Variants in STUM observed in about 807,000 individuals in gnomAD.
The protein encoded by STUM is stum, mechanosensory transduction mediator homolog.
STUM carries 8 observed loss-of-function variants against 15.3 expected under a neutral mutation model. The ratio of observed to expected loss-of-function variants is 0.52; its 90% CI spans 0.31 to 0.94. The LOEUF is 0.94. STUM is among the 40% of genes least tolerant of loss of function. The pLI is 0.05. For missense variants in STUM, 142 were observed against 204.9 expected, an observed-to-expected ratio of 0.69 and a Z score of 1.87; for synonymous variants, 78 against 88.7, an observed-to-expected ratio of 0.88 and a Z score of 0.68.
intron 1 of STUM, among the ~76,000 whole-genome samples, chr1:226,593,906 C>T (rs1012025779): frequency 2.0e-5 from 3 of 152,100 alleles, no homozygotes; most frequent in Non-Finnish European, 4.4e-5. Context: ...GGTGGGACCC[C>T]GCATTTTTAA....
In STUM at chr1:226,548,932, ACGGCGGCGGCGGCGG is replaced by A. The variant is rs759835997; in HGVS notation, c.35_49del (p.Ala12_Ala16del). ...GGAGCCCTCGCACAAAGACGCCGAG[ACGGCGGCGGCGGCGG>A]CGGCGGTGGCGGCGGCGGACCCCCG... On this transcript the variant is annotated inframe_deletion, in exon 1 of 4. Transcript: ENST00000366788. 2.8e-6 allele frequency: 4 copies of A among 1,443,446 alleles called. No individual in the cohort carries two copies. Among genetic ancestry groups the A allele is most frequent in the Admixed American group, 3.1e-5 (1 of 32,586 alleles). 89.4% of individuals were successfully genotyped at this position (1,443,446 alleles called of 1,614,324 possible). A position where few individuals can be genotyped will look rare whatever the true frequency, so the allele number is the denominator to read the frequency against.
Position 226,598,162 on chromosome 1 carries a change from TAGGA to T in STUM, c.382+1188_382+1191del, listed in dbSNP as rs888222857. Reference sequence around the variant, plus strand: ...CTGGAGAGGTGAAGAGCATGACTGATAGGAAGGAAGTGCTGCCAGCCCTCAGGTG... The same window carrying T: ...CTGGAGAGGTGAAGAGCATGACTGATAGGAAGTGCTGCCAGCCCTCAGGTG... On this transcript the variant is annotated intron_variant, in intron 2 of 3. Coordinates refer to ENST00000366788, the MANE Select transcript of STUM (RefSeq NM_001003665.4). Among the ~76,000 whole-genome samples, 161 of 152,240 alleles carry T rather than the reference TAGGA, an allele frequency of 1.1e-3. 1 individual carries two copies. The highest frequency in any genetic ancestry group is 3.8e-3 in the African/African-American group (156 of 41,520).
intron 2 of STUM, among the ~76,000 whole-genome samples, 160 bp downstream of exon 2, chr1:226,597,141 T>A (rs1440583704): frequency 6.6e-6 from 1 of 152,180 alleles, no homozygotes; most frequent in African/African-American, 2.4e-5. Context: ...CTGGGCTGCT[T>A]GGCACTGGGG....
intron 1 of STUM, among the ~76,000 whole-genome samples, chr1:226,575,114 T>C (rs1667787788): frequency 6.6e-6 from 1 of 152,178 alleles, no homozygotes; most frequent in African/African-American, 2.4e-5. Flanking sequence ...GAGAGCCTGA[T>C]GGACCTGCCC....
intron 1 of STUM, among the ~76,000 whole-genome samples, chr1:226,563,755 G>A (rs1377407823): frequency 6.6e-6 from 1 of 152,244 alleles, no homozygotes; most frequent in Non-Finnish European, 1.5e-5. Flanking sequence ...AACAACCAGT[G>A]ACTTTGCCAT....
chr1:226,562,568 A>G (rs1373988287), intron 1 of STUM, among the ~76,000 whole-genome samples: 1 of 152,302 alleles, frequency 6.6e-6, no homozygotes, highest in East Asian at 1.9e-4. Flanking sequence ...ACCTCCTGAT[A>G]TGATATCCTG....
In STUM at chr1:226,604,531, G is replaced by A. The variant is rs1407251535; in HGVS notation, c.*2491G>A. 1 of 152,128 alleles carries A rather than the reference G, an allele frequency of 6.6e-6. No individual in the cohort carries two copies. Among genetic ancestry groups the A allele is most frequent in the African/African-American group, 2.4e-5 (1 of 41,420 alleles). The allele number at this position is 152,128 out of a possible 1,614,324, so 9.4% of individuals were successfully genotyped here. ...GTGGGCGGGACCGGTTCAAAATAGCGCCCCCGCCCCTCTAAATTAGACCGT... is the reference window on the plus strand; with the variant it reads ...GTGGGCGGGACCGGTTCAAAATAGCACCCCCGCCCCTCTAAATTAGACCGT... On this transcript the variant is annotated 3_prime_UTR_variant, in exon 4 of 4. Transcript: ENST00000366788. This position sits in a 1 kb window ranked among gnomAD's most constrained non-coding sequence, Gnocchi z 4.7.
chr1:226,581,261 G>A (rs919235262), intron 1 of STUM, among the ~76,000 whole-genome samples: 1 of 152,222 alleles, frequency 6.6e-6, no homozygotes, highest in Non-Finnish European at 1.5e-5. Flanking sequence ...GGAGTCAAAG[G>A]GAAGGGATTT....
intron 1 of STUM, among the ~76,000 whole-genome samples, chr1:226,571,601 C>T (rs1041580379): frequency 6.6e-6 from 1 of 151,738 alleles, no homozygotes; most frequent in Non-Finnish European, 1.5e-5. Flanking sequence ...GTTTGTGGAC[C>T]CCAGGGTTAC....
chr1:226,572,359 T>C (rs967423569), intron 1 of STUM, among the ~76,000 whole-genome samples: 2 of 152,230 alleles, frequency 1.3e-5, no homozygotes, highest in East Asian at 3.8e-4. Flanking sequence ...TATGCATTGT[T>C]GAAAGTAGGC....
At position 226,602,361 on chromosome 1, in the gene STUM, C is replaced by T; in HGVS notation, c.*321C>T. 1 of 373,278 alleles carries T rather than the reference C, an allele frequency of 2.7e-6. No individual in the cohort carries two copies. The allele number at this position is 373,278 out of a possible 1,614,324, so 23.1% of individuals were successfully genotyped here. ...AACTGGCCTTGCTGTACCCACTGCC[C>T]ACCGCAAAGGCACGCCACGTCTGCT... On this transcript the variant is annotated 3_prime_UTR_variant, in exon 4 of 4. Transcript: ENST00000366788.
rs1171980547 is a variant in STUM at position 226,600,026 on chromosome 1, C to T, written c.383-640C>T. 6.6e-6 allele frequency among the ~76,000 whole-genome samples: 1 copy of T among 152,160 alleles called. No individual in the cohort carries two copies. Among genetic ancestry groups the T allele is most frequent in the Non-Finnish European group, 1.5e-5 (1 of 68,036 alleles). On this transcript the variant is annotated intron_variant, in intron 2 of 3. Transcript: ENST00000366788. This position sits in a 1 kb window ranked among gnomAD's most constrained non-coding sequence, Gnocchi z 5.2. The stretch of plus-strand genomic sequence containing the variant: ...AGCTCAGACAGAGCCAGTGTGGGGC[C>T]AGGATGGGGCACATCAGCATCTTTA...
chr1:226,552,643 A>T lies in STUM; in HGVS notation c.202+3537A>T, dbSNP rs1667390475. Among the ~76,000 whole-genome samples, 1 of 152,226 alleles carries T rather than the reference A, an allele frequency of 6.6e-6. No individual in the cohort carries two copies. Among genetic ancestry groups the T allele is most frequent in the African/African-American group, 2.4e-5 (1 of 41,458 alleles). On this transcript the variant is annotated intron_variant, in intron 1 of 3. Transcript: ENST00000366788. The surrounding 1 kb of genome is among the most constrained non-coding windows in gnomAD (Gnocchi z 4.7). Reference sequence around the variant, plus strand: ...TTAACCACTCCATTGGACTCAGGACATCAGATAGGGACAATTTATCCCTAA... The same window carrying T: ...TTAACCACTCCATTGGACTCAGGACTTCAGATAGGGACAATTTATCCCTAA...
chr1:226,596,203 C>G (rs1668176813), intron 1 of STUM, among the ~76,000 whole-genome samples: 2 of 152,160 alleles, frequency 1.3e-5, no homozygotes, highest in Non-Finnish European at 2.9e-5. Flanking sequence ...TCTAGGGGAA[C>G]CCCATCAGGG....
At position 226,608,429 on chromosome 1, in the gene STUM, C is replaced by A. The variant is rs1156729306; in HGVS notation, c.*6389C>A. The A allele has an allele frequency of 6.6e-6, 1 of 152,026 alleles. No individual in the cohort carries two copies. 9.4% of individuals were successfully genotyped at this position (152,026 alleles called of 1,614,324 possible). A position where few individuals can be genotyped will look rare whatever the true frequency, so the allele number is the denominator to read the frequency against. ...ATTGGCTGAGTTCCCTGCTGTTGTGCGTGGTGCCATTTTTTTTTTAAACAA... is the reference window on the plus strand; with the variant it reads ...ATTGGCTGAGTTCCCTGCTGTTGTGAGTGGTGCCATTTTTTTTTTAAACAA... On this transcript the variant is annotated 3_prime_UTR_variant, in exon 4 of 4. Transcript: ENST00000366788. This position sits in a 1 kb window ranked among gnomAD's most constrained non-coding sequence, Gnocchi z 4.0.
At chr1:226,586,994 G>A (rs1151806) in intron 1 of STUM, among the ~76,000 whole-genome samples, 72 of 152,196 alleles carry the variant, frequency 4.7e-4, no homozygotes, top group African/African-American at 1.6e-3. Flanking sequence ...TGGCAGGCTC[G>A]CAGTTAGGGA....
intron 1 of STUM, among the ~76,000 whole-genome samples, chr1:226,580,128 T>TA (rs11417277): frequency 0.73 from 110,639 of 151,674 alleles, 40,898 homozygotes; most frequent in African/African-American, 0.85. Flanking sequence ...CATTCAGAAG[T>TA]AAAAAATGAC....
Position 226,602,009 on chromosome 1 carries a change from A to G in STUM, c.395A>G (p.Tyr132Cys). Residue 132 changes from tyrosine (Y) to cysteine (C), a missense_variant, in exon 4 of 4, where the codon TAC becomes TGC. Around this residue, in one of 2 missense-constraint regions of STUM, gnomAD observed 29 missense variants for 70.5 expected, o/e 0.41. Transcript: ENST00000366788. ...CTCCTTTGCTTCTTCCTCACAGGCT[A>G]CAAGGAGCAGGGCATCCCACAGCAG... ...DMVILAISQG[Y>C]KEQGIPQQL 6.2e-7 allele frequency: 1 copy of G among 1,609,576 alleles called. No individual in the cohort carries two copies. The highest frequency in any genetic ancestry group is 8.5e-7 in the Non-Finnish European group (1 of 1,179,784).
intron 1 of STUM, among the ~76,000 whole-genome samples, chr1:226,557,816 C>T (rs1181698159): frequency 2.0e-5 from 3 of 152,166 alleles, no homozygotes; most frequent in African/African-American, 7.2e-5. Flanking sequence ...CCCTAGGATG[C>T]CAGAATGGTT....
Sources: gnomAD v4.1 joint callset for allele counts (sites outside exome capture counted in the v4.1 genomes callset) on GRCh38, gnomAD v4.1.1 for gene constraint, gnomAD v4.1.1 regional missense constraint, Gnocchi (gnomAD v3.1) non-coding constraint, MANE v1.5 for transcripts, NCBI Gene and HGNC (gene_info 2026-07-23, HGNC 2026-07-21) for gene names.